LYPLA1: variants seen among roughly 807,000 people sequenced by gnomAD.
The protein encoded by LYPLA1 is lysophospholipase 1.
LYPLA1 carries 17 observed loss-of-function variants against 34.0 expected under a neutral mutation model. That is an observed-to-expected ratio of 0.50 (90% CI 0.34 to 0.75). The LOEUF is 0.75. Ranked by LOEUF, LYPLA1 falls within the 30% of genes least tolerant of loss-of-function variation. The probability of loss-of-function intolerance (pLI) is 0.01; values close to 1 mark genes in which losing one functional copy is unlikely to be tolerated. For missense variants in LYPLA1, 203 were observed against 288.8 expected (o/e 0.70, Z 2.15); for synonymous variants, 98 against 100.8 (o/e 0.97, Z 0.17).
intron 4 of LYPLA1, among the ~76,000 whole-genome samples, chr8:54,062,946 G>C (rs1806769392): frequency 6.6e-6 from 1 of 152,164 alleles, no homozygotes. Flanking sequence ...GGGAATGTGA[G>C]GATATCTTCA....
At chr8:54,059,103 C>T (rs912939024) in intron 5 of LYPLA1, among the ~76,000 whole-genome samples, 9 of 152,176 alleles carry the variant, frequency 5.9e-5, no homozygotes, top group African/African-American at 1.9e-4. Flanking sequence ...GCCCACGTAT[C>T]TTCTTCACAG....
intron 7 of LYPLA1, 130 bp from the exon 8 acceptor site, chr8:54,051,318 A>G: frequency 1.1e-5 from 8 of 752,190 alleles, no homozygotes; most frequent in Non-Finnish European, 1.6e-5. Flanking sequence ...AAAAAAATAA[A>G]ATTCCTTCAT....
chr8:54,100,358 T>C lies in LYPLA1; in HGVS notation c.101+550A>G, dbSNP rs554945725. On this transcript the variant is annotated intron_variant, in intron 2 of 8. Coordinates refer to ENST00000316963, the MANE Select transcript of LYPLA1 (RefSeq NM_006330.4). The stretch of plus-strand genomic sequence containing the variant: ...AGAGAGCCCTTGTCTCTAAAAATAA[T>C]AACAAAAGAAAAAAGCAAACAAACA... The C allele has an allele frequency of 4.6e-5, 7 of 152,830 alleles. 1 individual carries two copies. In the Admixed American group the frequency reaches 4.6e-4, roughly 10 times the overall value. The allele number at this position is 152,830 out of a possible 1,614,324, so 9.5% of individuals were successfully genotyped here.
At chr8:54,049,770 T>TAAAAAG (rs1805724935) in intron 8 of LYPLA1, among the ~76,000 whole-genome samples, 1 of 152,176 alleles carries the variant, frequency 6.6e-6, no homozygotes, top group African/African-American at 2.4e-5. Context: ...TCTTCCTGTT[T>TAAAAAG]ACCAAAACTT....
intron 2 of LYPLA1, among the ~76,000 whole-genome samples, chr8:54,078,284 A>G (rs907602435): frequency 1.3e-5 from 2 of 151,720 alleles, no homozygotes; most frequent in Non-Finnish European, 2.9e-5. Flanking sequence ...ATACTTGACT[A>G]TATCATAATC....
At chr8:54,059,288 G>A (rs1047806107) in intron 5 of LYPLA1, among the ~76,000 whole-genome samples, 3 of 143,400 alleles carry the variant, frequency 2.1e-5, no homozygotes, top group Non-Finnish European at 4.4e-5. Flanking sequence ...TCTTTTGAAT[G>A]TATTTTCCCT....
chr8:54,072,174 G>A (rs1807523796), intron 2 of LYPLA1, among the ~76,000 whole-genome samples: 1 of 152,142 alleles, frequency 6.6e-6, no homozygotes, highest in South Asian at 2.1e-4. Flanking sequence ...CAGGATAACT[G>A]GGTGACCATA....
Position 54,085,848 on chromosome 8 carries a change from C to T in LYPLA1, c.101+15060G>A, listed in dbSNP as rs371914149. Among the ~76,000 whole-genome samples the T allele has an allele frequency of 2.3e-4, 29 of 124,326 alleles. 1 individual carries two copies. The East Asian group carries it at 3.5e-3, about 15-fold the overall frequency. The allele number at this position is 124,326 out of a possible 152,430, so 81.6% of individuals were successfully genotyped here. A position where few individuals can be genotyped will look rare whatever the true frequency, so the allele number is the denominator to read the frequency against. ...CCCGGCCGGCCAGCCGCCCCGTCCG[C>T]GAGGTGGGGGGGGCGCCTCTGCCCA... On this transcript the variant is annotated intron_variant, in intron 2 of 8. Coordinates refer to ENST00000316963, the MANE Select transcript of LYPLA1 (RefSeq NM_006330.4).
At chr8:54,079,743 G>A (rs558690845) in intron 2 of LYPLA1, among the ~76,000 whole-genome samples, 5 of 151,984 alleles carry the variant, frequency 3.3e-5, no homozygotes, top group African/African-American at 1.2e-4. Flanking sequence ...TGCGGTAAAC[G>A]GAGATCACAC....
intron 6 of LYPLA1, among the ~76,000 whole-genome samples, chr8:54,054,243 A>C (rs933816629): frequency 6.6e-6 from 1 of 152,136 alleles, no homozygotes; most frequent in African/African-American, 2.4e-5. Flanking sequence ...TTGGCCTCCC[A>C]AAGTGCTGGG....
At chr8:54,077,503 A>G (rs1205357899) in intron 2 of LYPLA1, among the ~76,000 whole-genome samples, 1 of 152,220 alleles carries the variant, frequency 6.6e-6, no homozygotes, top group Non-Finnish European at 1.5e-5. Context: ...AAAGTAAAAA[A>G]TAAAAAAGTA....
At chr8:54,059,155 C>A (rs1424653995) in intron 5 of LYPLA1, among the ~76,000 whole-genome samples, 1 of 152,162 alleles carries the variant, frequency 6.6e-6, no homozygotes, top group Non-Finnish European at 1.5e-5. Context: ...TAACACTTAC[C>A]CTCATACTTT....
chr8:54,086,259 A>G (rs969751377), intron 2 of LYPLA1, among the ~76,000 whole-genome samples: 1 of 151,500 alleles, frequency 6.6e-6, no homozygotes, highest in Non-Finnish European at 1.5e-5. Flanking sequence ...ACCACTCCCT[A>G]ATCTCAAGTA....
At chr8:54,048,922 G>A (rs997761201) in intron 8 of LYPLA1, among the ~76,000 whole-genome samples, 1 of 152,152 alleles carries the variant, frequency 6.6e-6, no homozygotes, top group African/African-American at 2.4e-5. Context: ...TCAGCCCAGA[G>A]TTGTTGTAGA....
chr8:54,100,730 T>A (rs1221698184), intron 2 of LYPLA1, 178 bp downstream of exon 2: 2 of 601,340 alleles, frequency 3.3e-6, no homozygotes, highest in Non-Finnish European at 6.0e-6. Context: ...AAACTCACGA[T>A]GATAAGGGGA....
In LYPLA1 at chr8:54,099,846, G is replaced by C. The variant is rs1479028638; in HGVS notation, c.101+1062C>G. Among the ~76,000 whole-genome samples, 7 of 152,022 alleles carry C rather than the reference G, an allele frequency of 4.6e-5. No homozygotes were observed. In the East Asian group the frequency reaches 1.4e-3, roughly 30 times the overall value. On this transcript the variant is annotated intron_variant, in intron 2 of 8. Transcript: ENST00000316963. ...TTACAGGCATGCACCACCACACCCGGGTAATTTTTATATTTTTAGTAGAGA... is the reference window on the plus strand; with the variant it reads ...TTACAGGCATGCACCACCACACCCGCGTAATTTTTATATTTTTAGTAGAGA...
At chr8:54,056,093 C>T (rs1255944344) in intron 5 of LYPLA1, among the ~76,000 whole-genome samples, 1 of 152,124 alleles carries the variant, frequency 6.6e-6, no homozygotes, top group Non-Finnish European at 1.5e-5. Context: ...TAAAAACAGA[C>T]ACACAGACTA....
At chr8:54,079,211 C>T (rs939065450) in intron 2 of LYPLA1, among the ~76,000 whole-genome samples, 9 of 152,172 alleles carry the variant, frequency 5.9e-5, no homozygotes, top group Non-Finnish European at 1.0e-4. Flanking sequence ...AACTCCTGAC[C>T]TCAAGTGATC....
intron 5 of LYPLA1, among the ~76,000 whole-genome samples, chr8:54,056,753 A>G (rs550940153): frequency 4.6e-5 from 7 of 152,254 alleles, no homozygotes; most frequent in African/African-American, 9.6e-5. Flanking sequence ...TATCTACTAC[A>G]GATTAAAAAA....
Sources: gnomAD v4.1 joint callset for allele counts (sites outside exome capture counted in the v4.1 genomes callset) on GRCh38, gnomAD v4.1.1 for gene constraint, MANE v1.5 for transcripts, NCBI Gene and HGNC (gene_info 2026-07-23, HGNC 2026-07-21) for gene names.